Variants in SYNE1 observed in about 807,000 individuals in gnomAD.
SYNE1 encodes spectrin repeat containing nuclear envelope protein 1.
SYNE1 carries 616 observed loss-of-function variants against 1,111.0 expected under a neutral mutation model. That is an observed-to-expected ratio of 0.55 (90% CI 0.52 to 0.59). The LOEUF (loss-of-function observed/expected upper bound fraction) is 0.59, where lower values mean the gene tolerates loss of function less well. SYNE1 is among the 20% of genes least tolerant of loss of function. The probability of loss-of-function intolerance (pLI) is 0.00; values close to 1 mark genes in which losing one functional copy is unlikely to be tolerated. For synonymous variants in SYNE1, 3,855 were observed against 3,825.8 expected (o/e 1.01, Z -0.28); for missense variants, 10,006 against 10,417.0 (o/e 0.96, Z 1.72).
chr6:152,218,965 A>T (rs1276192912), intron 120 of SYNE1, 38 bp downstream of exon 120: 6 of 1,595,246 alleles, frequency 3.8e-6, no homozygotes, highest in Non-Finnish European at 4.3e-6. Context: ...ATTAGAGAAC[A>T]GCCAATATAC....
chr6:152,573,122 G>C (rs911141282), intron 3 of SYNE1, among the ~76,000 whole-genome samples: 1 of 152,104 alleles, frequency 6.6e-6, no homozygotes, highest in Non-Finnish European at 1.5e-5. Context: ...CTTAGAGGTG[G>C]AGACTCCCCT....
intron 24 of SYNE1, 21 bp from the exon 25 acceptor site, chr6:152,453,741 G>A (rs1184108954): frequency 6.2e-7 from 1 of 1,613,892 alleles, no homozygotes; most frequent in Non-Finnish European, 8.5e-7. Flanking sequence ...AGGGGAAAGT[G>A]GGTAAGAGTG....
At chr6:152,405,377 G>A (rs1406433738) in intron 45 of SYNE1, among the ~76,000 whole-genome samples, 4 of 152,060 alleles carry the variant, frequency 2.6e-5, no homozygotes, top group East Asian at 3.9e-4. Context: ...TTACCACCAT[G>A]GTAAGCTACA....
At chr6:152,581,835 A>G (rs1439995797) in intron 3 of SYNE1, among the ~76,000 whole-genome samples, 1 of 152,100 alleles carries the variant, frequency 6.6e-6, no homozygotes, top group Non-Finnish European at 1.5e-5. Flanking sequence ...GCTGATTCTT[A>G]TGCATCTATT....
rs1284992773 is a variant in SYNE1 at position 152,416,555 on chromosome 6, C to T, written c.5882G>A (p.Arg1961Lys). The change falls in exon 41 of 146, where the codon AGG (arginine) becomes AAG (lysine). Residue 1961 changes from arginine (R) to lysine (K), a missense_variant. By Grantham distance (26) the Arg-to-Lys change is conservative (BLOSUM62 2). Around this residue, in one of 7 missense-constraint regions of SYNE1, gnomAD observed 4,955 missense variants for 5,017.2 expected, o/e 0.99. Coordinates refer to ENST00000367255, the MANE Select transcript of SYNE1 (RefSeq NM_182961.4). ...TADQLCGEVE[R>K]IQNLLGTKQS... ...CTTGGTTCCCAGAAGGTTCTGGATC[C>T]TCTCTACCTCTCCACAGAGCTGATC... 1.1e-5 allele frequency: 17 copies of T among 1,613,948 alleles called. No homozygotes were observed. Among genetic ancestry groups the T allele is most frequent in the Middle Eastern group, 1.6e-4 (1 of 6,084 alleles).
chr6:152,410,709 C>T (rs114982109), intron 42 of SYNE1, among the ~76,000 whole-genome samples: 1,648 of 152,056 alleles, frequency 0.011, 43 homozygotes, highest in African/African-American at 0.038. Context: ...CCAGCCTGGG[C>T]GATAGAGGGA....
At chr6:152,192,456 GA>G (rs199558149) in intron 127 of SYNE1, among the ~76,000 whole-genome samples, 5,976 of 151,970 alleles carry the variant, frequency 0.039, 149 homozygotes, top group Middle Eastern at 0.086. Flanking sequence ...GAAAACCAAG[GA>G]AAAAAATTAA....
intron 91 of SYNE1, among the ~76,000 whole-genome samples, chr6:152,306,451 A>C (rs770744811): frequency 2.0e-5 from 3 of 151,756 alleles, no homozygotes; most frequent in Admixed American, 6.6e-5. Context: ...GCACCACTGC[A>C]CTCCAGCCTG....
intron 43 of SYNE1, 115 bp from the exon 44 acceptor site, chr6:152,409,341 A>C: frequency 4.4e-6 from 5 of 1,135,524 alleles, no homozygotes; most frequent in Non-Finnish European, 6.4e-6. Context: ...AATTAGTGAT[A>C]GTGAGATTAA....
chr6:152,155,010 A>G lies in SYNE1; in HGVS notation c.24011T>C (p.Phe8004Ser). The part of the protein sequence containing the change: ...IEETWRLWQK[F>S]LDDYSRFEDW... ...TTCAAAACGTGAATAGTCATCCAGA[A>G]ATTTCTGCCACAATCGCCACGTCTC... Residue 8004 changes from phenylalanine (F) to serine (S), a missense_variant, in exon 133 of 146, where the codon TTT (phenylalanine) becomes TCT (serine). By Grantham distance (155) the Phe-to-Ser change is radical. Around this residue, in one of 7 missense-constraint regions of SYNE1, gnomAD observed 2,182 missense variants for 2,287.8 expected, o/e 0.95. Transcript: ENST00000367255. 6.2e-7 allele frequency: 1 copy of G among 1,614,188 alleles called. No homozygotes were observed. Among genetic ancestry groups the G allele is most frequent in the Non-Finnish European group, 8.5e-7 (1 of 1,180,026 alleles).
chr6:152,605,354 A>C (rs1282243464), intron 3 of SYNE1, among the ~76,000 whole-genome samples: 2 of 151,888 alleles, frequency 1.3e-5, no homozygotes, highest in Non-Finnish European at 2.9e-5. Context: ...AAGAAATAAA[A>C]AATGGAATCA....
At chr6:152,220,732 G>A in intron 119 of SYNE1, 110 bp downstream of exon 119, 2 of 973,966 alleles carry the variant, frequency 2.1e-6, no homozygotes, top group South Asian at 2.6e-5. Context: ...AGTTATTTTT[G>A]GGTAACTGTC....
chr6:152,427,599 G>A lies in SYNE1; in HGVS notation c.5100+94C>T, dbSNP rs1010472413. On this transcript the variant is annotated intron_variant, in intron 38 of 145. Transcript: ENST00000367255. ...GGAATCACAAAACCAAAGCAAGAAG[G>A]GAGGTACAAGTTTATTTATTTTATT... 6 of 1,448,784 alleles carry A rather than the reference G, an allele frequency of 4.1e-6. No individual in the cohort carries two copies. The African/African-American group carries it at 7.1e-5, about 17-fold the overall frequency. 89.7% of individuals were successfully genotyped at this position (1,448,784 alleles called of 1,614,324 possible). A position where few individuals can be genotyped will look rare whatever the true frequency, so the allele number is the denominator to read the frequency against.
chr6:152,323,641 C>G lies in SYNE1; in HGVS notation c.15754G>C (p.Glu5252Gln), dbSNP rs1444801958. 6.2e-7 allele frequency: 1 copy of G among 1,614,228 alleles called. No homozygotes were observed. Among genetic ancestry groups the G allele is most frequent in the Admixed American group, 1.7e-5 (1 of 60,032 alleles). The change falls in exon 82 of 146, where the codon GAA becomes CAA. Residue 5252 changes from glutamate to glutamine, a missense_variant. Physicochemically the swap from Glu to Gln is conservative, Grantham distance 29 (BLOSUM62 2). Transcript: ENST00000367255. ...TCCAGAACGAACGTGTCGTGGTATT[C>G]AAGAAGAGTTAAGAGCTCTGCTTTC... ...ASKAELLTLL[E>Q]YHDTFVLELE... is the part of the protein sequence containing the mutation.
chr6:152,352,296 C>G lies in SYNE1; in HGVS notation c.11311G>C (p.Gly3771Arg), dbSNP rs759993178. Residue 3771 changes from glycine to arginine, a missense_variant, in exon 70 of 146, where the codon GGA (glycine) becomes CGA (arginine). Gly to Arg is a moderately radical substitution (Grantham distance 125). This residue lies in a region of SYNE1 where 4,955 missense variants were observed against 5,017.2 expected (regional missense o/e 0.99). Coordinates refer to ENST00000367255, the MANE Select transcript of SYNE1 (RefSeq NM_182961.4). ...TCCAAGTATTTAACAGCCCTCTCTC[C>G]TTTCTCCCGGGCTGATTTCAGCAAA... The part of the protein sequence containing the change: ...HSLLKSAREK[G>R]ERAVKYLEEG... 2.5e-6 allele frequency: 4 copies of G among 1,614,170 alleles called. No homozygotes were observed. In the South Asian group the frequency reaches 4.4e-5, roughly 18 times the overall value.
At chr6:152,401,395 T>C in intron 46 of SYNE1, 54 bp from the exon 47 acceptor site, 1 of 1,553,764 alleles carries the variant, frequency 6.4e-7, no homozygotes, top group Non-Finnish European at 8.8e-7. Flanking sequence ...AGAATACTCA[T>C]TCAGTAGAAA....
intron 73 of SYNE1, among the ~76,000 whole-genome samples, chr6:152,346,727 G>T (rs539404138): frequency 5.3e-5 from 8 of 151,990 alleles, no homozygotes; most frequent in African/African-American, 1.7e-4. Context: ...GGAGAATGGC[G>T]TGAACCTGGG....
chr6:152,548,741 G>GC (rs892821990), intron 3 of SYNE1, among the ~76,000 whole-genome samples: 1 of 152,106 alleles, frequency 6.6e-6, no homozygotes, highest in Non-Finnish European at 1.5e-5. Context: ...TTAAATTATG[G>GC]CCACAAAATC....
intron 126 of SYNE1, among the ~76,000 whole-genome samples, chr6:152,205,713 T>G (rs1040846551): frequency 1.3e-5 from 2 of 152,246 alleles, no homozygotes; most frequent in African/African-American, 2.4e-5. Flanking sequence ...AGATTTTATC[T>G]CATGGCAACT....
Sources: gnomAD v4.1 joint callset for allele counts (sites outside exome capture counted in the v4.1 genomes callset) on GRCh38, gnomAD v4.1.1 for gene constraint, gnomAD v4.1.1 regional missense constraint, MANE v1.5 for transcripts, NCBI Gene and HGNC (gene_info 2026-07-23, HGNC 2026-07-21) for gene names.